ASB8: variants seen among roughly 807,000 people sequenced by gnomAD.
The protein encoded by ASB8 is ankyrin repeat and SOCS box containing 8.
Under a neutral mutation model 22.9 loss-of-function variants are expected in ASB8, and 15 were observed. That is an observed-to-expected ratio of 0.66 (90% confidence interval 0.44 to 1.01). The LOEUF (loss-of-function observed/expected upper bound fraction) is 1.01, where lower values mean the gene tolerates loss of function less well. Ranked by LOEUF, ASB8 falls within the 50% of genes least tolerant of loss-of-function variation. The pLI is 0.00. For missense variants in ASB8, 294 were observed against 356.9 expected, an observed-to-expected ratio of 0.82 and a Z score of 1.42; for synonymous variants, 124 against 140.8, an observed-to-expected ratio of 0.88 and a Z score of 0.84.
At chr12:48,156,143 TTTTGTGAATCAG>T (rs1364247052) in intron 1 of ASB8, among the ~76,000 whole-genome samples, 1 of 152,164 alleles carries the variant, frequency 6.6e-6, no homozygotes, top group African/African-American at 2.4e-5. Context: ...ATAGTTTCTA[TTTTGTGAATCAG>T]TAGCCATTTA....
rs368523694 is a variant in ASB8, at chr12:48,153,458, C to T, written c.39G>A (p.Gln13=). Residue 13 remains glutamine, a synonymous_variant, in exon 2 of 4, where the codon CAG becomes CAA. Coordinates refer to ENST00000317697, the MANE Select transcript of ASB8 (RefSeq NM_024095.5). Reference sequence around the variant, plus strand: ...AGCGCTCGGAGAGAGAGTATTTGCTCTGAATGCTCTGCATAATATACCACA... The same window carrying T: ...AGCGCTCGGAGAGAGAGTATTTGCTTTGAATGCTCTGCATAATATACCACA... ...SSMWYIMQSI[Q]SKYSLSERLI... 1.2e-6 allele frequency: 2 copies of T among 1,613,470 alleles called. No individual in the cohort carries two copies. The highest frequency in any genetic ancestry group is 1.3e-5 in the African/African-American group (1 of 75,002).
At chr12:48,157,242 C>A (rs1339612345) in intron 1 of ASB8, 1 of 152,242 alleles carries the variant, frequency 6.6e-6, no homozygotes, top group Non-Finnish European at 1.5e-5. Context: ...TCGCAGCAAT[C>A]CCGGTAGGTC....
chr12:48,150,259 C>T, intron 3 of ASB8: 1 of 692,176 alleles, frequency 1.4e-6, no homozygotes, highest in African/African-American at 1.8e-5. Flanking sequence ...TTGGTTTTTG[C>T]TGCAATGTTC....
At chr12:48,151,353 C>A in intron 2 of ASB8, 48 bp from the exon 3 acceptor site, 1 of 1,458,128 alleles carries the variant, frequency 6.9e-7, no homozygotes, top group Non-Finnish European at 9.5e-7. Context: ...TCTGGCTTGC[C>A]CAGCAGGACA....
Position 48,148,473 on chromosome 12 carries a change from C to T in ASB8, c.*893G>A, listed in dbSNP as rs1592842918. 6.6e-6 allele frequency: 1 copy of T among 151,912 alleles called. No individual in the cohort carries two copies. The highest frequency in any genetic ancestry group is 1.9e-4 in the East Asian group (1 of 5,156). 9.4% of individuals were successfully genotyped at this position (151,912 alleles called of 1,614,324 possible). On this transcript the variant is annotated 3_prime_UTR_variant, in exon 4 of 4. Coordinates refer to ENST00000317697, the MANE Select transcript of ASB8 (RefSeq NM_024095.5). Reference sequence around the variant, plus strand: ...CAGAAAGAGGCAAAGACTGCTGTTTCCTTTGATGAGGGGAAAGAGGTCCAG... The same window carrying T: ...CAGAAAGAGGCAAAGACTGCTGTTTTCTTTGATGAGGGGAAAGAGGTCCAG...
intron 2 of ASB8, chr12:48,152,839 TAAAA>T (rs36106311): frequency 6.9e-6 from 1 of 145,072 alleles, no homozygotes. Context: ...TACAAAAAAT[TAAAA>T]AAAAAAAAAT....
chr12:48,150,691 AAAAC>A (rs1206988539), intron 3 of ASB8, among the ~76,000 whole-genome samples: 1 of 151,880 alleles, frequency 6.6e-6, no homozygotes, highest in Non-Finnish European at 1.5e-5. Flanking sequence ...ATGAAAGACA[AAAAC>A]AAAAAAAAAC....
At position 48,147,913 on chromosome 12, in the gene ASB8, G is replaced by C. The variant is rs1458206183; in HGVS notation, c.*1453C>G. 3 of 151,782 alleles carry C rather than the reference G, an allele frequency of 2.0e-5. No homozygotes were observed. Among genetic ancestry groups the C allele is most frequent in the Non-Finnish European group, 2.9e-5 (2 of 67,984 alleles). The allele number at this position is 151,782 out of a possible 1,614,324, so 9.4% of individuals were successfully genotyped here. On this transcript the variant is annotated 3_prime_UTR_variant, in exon 4 of 4. Coordinates refer to ENST00000317697, the MANE Select transcript of ASB8 (RefSeq NM_024095.5). ...CAGTAGATTCCATTCATTGTTTGTAGTTCCCAATCAGCTTTAAAAAAAAAA... is the reference window on the plus strand; with the variant it reads ...CAGTAGATTCCATTCATTGTTTGTACTTCCCAATCAGCTTTAAAAAAAAAA...
intron 2 of ASB8, 90 bp downstream of exon 2, chr12:48,153,277 TG>T: frequency 6.7e-7 from 1 of 1,491,878 alleles, no homozygotes; most frequent in Non-Finnish European, 9.3e-7. Flanking sequence ...CCTGTGATCT[TG>T]GGTTGAGTCA....
At chr12:48,153,837 A>C (rs4760686) in intron 1 of ASB8, 174,853 of 177,932 alleles carry the variant, frequency 0.98, 85,981 homozygotes, top group East Asian at 1. Flanking sequence ...GAAGAGGTCA[A>C]AAAACATTAT....
chr12:48,150,745 A>C (rs1476737213), intron 3 of ASB8, among the ~76,000 whole-genome samples: 1 of 152,246 alleles, frequency 6.6e-6, no homozygotes, highest in Non-Finnish European at 1.5e-5. Context: ...TATTTGGCTA[A>C]AACCTATCTT....
At chr12:48,156,969 G>A (rs1238035662) in intron 1 of ASB8, among the ~76,000 whole-genome samples, 1 of 144,938 alleles carries the variant, frequency 6.9e-6, no homozygotes, top group African/African-American at 2.6e-5. Context: ...ACACCAAAGG[G>A]CACTTACTGA....
chr12:48,151,196 A>G lies in ASB8; in HGVS notation c.234+5T>C, dbSNP rs758535296. 12 of 1,601,452 alleles carry G rather than the reference A, an allele frequency of 7.5e-6. No individual in the cohort carries two copies. The highest frequency in any genetic ancestry group is 9.4e-6 in the Non-Finnish European group (11 of 1,168,358). On this transcript the variant is annotated splice_donor_5th_base_variant and intron_variant, in intron 3 of 3. Transcript: ENST00000317697. ...TCATTAATGTGAATGTGTTAAAAAC[A>G]TTACCTCGGCTCCTTTTTCCAGAAG...
chr12:48,150,082 A>G (rs1459859944), intron 3 of ASB8, 84 bp from the exon 4 acceptor site: 1 of 1,459,454 alleles, frequency 6.9e-7, no homozygotes, highest in East Asian at 2.3e-5. Context: ...ATGGTTACCC[A>G]CTACCTTTGC....
At chr12:48,155,835 G>C (rs1951295042) in intron 1 of ASB8, among the ~76,000 whole-genome samples, 1 of 146,946 alleles carries the variant, frequency 6.8e-6, no homozygotes, top group Non-Finnish European at 1.5e-5. Context: ...GAGTGCAGTG[G>C]TGCGATCTCA....
chr12:48,153,444 A>G lies in ASB8; in HGVS notation c.53T>C (p.Leu18Pro). 1.9e-6 allele frequency: 3 copies of G among 1,613,632 alleles called. No homozygotes were observed. The highest frequency in any genetic ancestry group is 2.5e-6 in the Non-Finnish European group (3 of 1,179,548). The change falls in exon 2 of 4, where the codon CTC becomes CCC. Residue 18 changes from leucine to proline, a missense_variant. Leu to Pro is a moderately conservative substitution (Grantham distance 98). Transcript: ENST00000317697. Reference sequence around the variant, plus strand: ...AATTGTTCGGATTAAGCGCTCGGAGAGAGAGTATTTGCTCTGAATGCTCTG... The same window carrying G: ...AATTGTTCGGATTAAGCGCTCGGAGGGAGAGTATTTGCTCTGAATGCTCTG... ...IMQSIQSKYS[L>P]SERLIRTIAA... is the part of the protein sequence containing the mutation.
rs1951153601 is a variant in ASB8 at position 48,149,233 on chromosome 12, T to C, written c.*133A>G. On this transcript the variant is annotated 3_prime_UTR_variant, in exon 4 of 4. Coordinates refer to ENST00000317697, the MANE Select transcript of ASB8 (RefSeq NM_024095.5). ...AGGGGAGGTGCTATGGAGGTTATTG[T>C]TGTGACATGTTGCTTCGAAATCTAT... is the stretch of plus-strand genomic sequence containing the variant. 3.1e-6 allele frequency: 3 copies of C among 979,092 alleles called. No individual in the cohort carries two copies. Among genetic ancestry groups the C allele is most frequent in the Non-Finnish European group, 4.4e-6 (3 of 678,894 alleles). 60.7% of individuals were successfully genotyped at this position (979,092 alleles called of 1,614,324 possible).
rs916558292 is a variant in ASB8 at position 48,151,156 on chromosome 12, T to C, written c.234+45A>G. ...GAGAAATTCTAAGAAAACATGAAGC[T>C]CAAGTTTTAGTGAGTCATTAATGTG... is the stretch of plus-strand genomic sequence containing the variant. On this transcript the variant is annotated intron_variant, in intron 3 of 3. Coordinates refer to ENST00000317697, the MANE Select transcript of ASB8 (RefSeq NM_024095.5). 5 of 1,471,584 alleles carry C rather than the reference T, an allele frequency of 3.4e-6. No homozygotes were observed. The East Asian group carries it at 9.1e-5, about 27-fold the overall frequency. The allele number at this position is 1,471,584 out of a possible 1,614,324, so 91.2% of individuals were successfully genotyped here.
chr12:48,151,770 G>A, intron 2 of ASB8: 8 of 531,908 alleles, frequency 1.5e-5, no homozygotes, highest in South Asian at 3.4e-5. Context: ...ATCTTAACAC[G>A]GTTTTTCCTT....
Sources: allele counts gnomAD v4.1 joint callset (sites outside exome capture counted in the v4.1 genomes callset), GRCh38; gene constraint gnomAD v4.1.1; transcripts MANE v1.5; gene names NCBI Gene and HGNC (gene_info 2026-07-23, HGNC 2026-07-21).